ZNF692: variants seen among roughly 807,000 people sequenced by gnomAD.
ZNF692 encodes zinc finger protein 692, also known as AICAR responsive element binding protein.
In ZNF692, 41 loss-of-function variants were observed where a neutral mutation model predicts 49.0. That is an observed-to-expected ratio of 0.84 (90% confidence interval 0.65 to 1.08). ZNF692 has a LOEUF of 1.08. ZNF692 is among the 50% of genes least tolerant of loss of function. ZNF692 has a pLI of 0.00. For missense variants in ZNF692, 662 were observed against 662.2 expected (o/e 1.00, Z 0.00); for synonymous variants, 288 against 251.5 (o/e 1.15, Z -1.37).
intron 10 of ZNF692, 178 bp from the exon 11 acceptor site, chr1:248,850,959 T>C (rs746065852): frequency 1.7e-5 from 12 of 711,868 alleles, no homozygotes; most frequent in Non-Finnish European, 3.1e-5. Flanking sequence ...TGATGGGTCA[T>C]GACAACCAAG....
intron 10 of ZNF692, among the ~76,000 whole-genome samples, chr1:248,852,932 A>G (rs1421953358): frequency 6.6e-6 from 1 of 151,840 alleles, no homozygotes; most frequent in Non-Finnish European, 1.5e-5. Context: ...TTATATTTAT[A>G]TTTTTGCCTG....
Position 248,850,461 on chromosome 1 carries a change from G to C in ZNF692, c.1309C>G (p.Arg437Gly), listed in dbSNP as rs756911914. 1 of 1,613,428 alleles carries C rather than the reference G, an allele frequency of 6.2e-7. No homozygotes were observed. Among genetic ancestry groups the C allele is most frequent in the Admixed American group, 1.7e-5 (1 of 59,988 alleles). The change falls in exon 12 of 12, where the codon CGC becomes GGC. Residue 437 changes from arginine to glycine, a missense_variant. Physicochemically the swap from Arg to Gly is moderately radical, Grantham distance 125. Transcript: ENST00000306601. ...GCAGCCACCGTCTCTGCATGCTTGC[G>C]CTGGTGCCAGTTCAGGGAAGCCTTC... ...RQKASLNWHQ[R>G]KHAETVAALR...
At chr1:248,854,306 T>C in intron 9 of ZNF692, 1 of 432,448 alleles carries the variant, frequency 2.3e-6, no homozygotes, top group South Asian at 2.6e-5. Flanking sequence ...TTCCATTATC[T>C]CACCTCCTTG....
Position 248,856,349 on chromosome 1 carries a change from C to T in ZNF692, c.598G>A (p.Glu200Lys). The change falls in exon 6 of 12, where the codon GAG (glutamate) becomes AAG (lysine). Residue 200 changes from glutamate (E) to lysine (K), a missense_variant. Coordinates refer to ENST00000306601, the MANE Select transcript of ZNF692 (RefSeq NM_017865.4). ...EEGEEEEDND[E>K]DEEEMLSDAS... Reference sequence around the variant, plus strand: ...TCACTGAGCATCTCCTCTTCATCCTCATCATTGTCCTCTTCTTCCTCACCC... The same window carrying T: ...TCACTGAGCATCTCCTCTTCATCCTTATCATTGTCCTCTTCTTCCTCACCC... 1 of 1,611,866 alleles carries T rather than the reference C, an allele frequency of 6.2e-7. No individual in the cohort carries two copies. The highest frequency in any genetic ancestry group is 8.5e-7 in the Non-Finnish European group (1 of 1,178,738).
Position 248,850,769 on chromosome 1 carries a change from T to C in ZNF692, c.1166A>G (p.Tyr389Cys), listed in dbSNP as rs1344388811. The change falls in exon 11 of 12, where the codon TAC (tyrosine) becomes TGC (cysteine). Residue 389 changes from tyrosine (Y) to cysteine (C), a missense_variant. Physicochemically the swap from Tyr to Cys is radical, Grantham distance 194. Transcript: ENST00000306601. Reference sequence around the variant, plus strand: ...AGACCGGGCGCAGAACTCACAGATGTAGTCCCGGGTGTCTGCAGGCATATG... The same window carrying C: ...AGACCGGGCGCAGAACTCACAGATGCAGTCCCGGGTGTCTGCAGGCATATG... ...HMKLHSDTRD[Y>C]ICEFCARSFR... 6.2e-7 allele frequency: 1 copy of C among 1,614,092 alleles called. No homozygotes were observed.
At chr1:248,851,702 G>A (rs1042445154) in intron 10 of ZNF692, among the ~76,000 whole-genome samples, 7 of 151,722 alleles carry the variant, frequency 4.6e-5, no homozygotes, top group Admixed American at 4.6e-4. Context: ...TGACCTCATC[G>A]CCCACCCTCC....
In ZNF692 at chr1:248,857,141, AG is replaced by A. The variant is rs1660332898; in HGVS notation, c.475+92del. 3.8e-6 allele frequency: 5 copies of A among 1,318,112 alleles called. No homozygotes were observed. The South Asian group carries it at 7.2e-5, about 19-fold the overall frequency. The allele number at this position is 1,318,112 out of a possible 1,614,324, so 81.7% of individuals were successfully genotyped here. On this transcript the variant is annotated intron_variant, in intron 4 of 11. Transcript: ENST00000306601. ...CAAGATAGAGTTTTTCCATTGAAAA[AG>A]GATCATTTTTAGAGAACAGGGTTCT...
chr1:248,853,523 G>C (rs932236063), intron 10 of ZNF692, among the ~76,000 whole-genome samples: 2 of 152,096 alleles, frequency 1.3e-5, no homozygotes, highest in Non-Finnish European at 2.9e-5. Context: ...TTCCACACGC[G>C]CTGTCCATAG....
intron 9 of ZNF692, among the ~76,000 whole-genome samples, chr1:248,855,146 C>T (rs1291191098): frequency 1.3e-5 from 2 of 152,218 alleles, no homozygotes; most frequent in African/African-American, 4.8e-5. Flanking sequence ...AGCACTAACA[C>T]ACACTAGCTG....
intron 11 of ZNF692, 51 bp from the exon 12 acceptor site, chr1:248,850,567 C>T: frequency 6.3e-7 from 1 of 1,589,900 alleles, no homozygotes; most frequent in Non-Finnish European, 8.6e-7. Context: ...GCCATCATGA[C>T]TTCCCTAGGG....
At chr1:248,853,916 A>G (rs1477798875) in intron 10 of ZNF692, 21 bp downstream of exon 10, 2 of 1,575,326 alleles carry the variant, frequency 1.3e-6, no homozygotes, top group Admixed American at 1.7e-5. Context: ...CCACAGAGGA[A>G]GGTGGAGTTC....
chr1:248,857,866 G>C lies in ZNF692; in HGVS notation c.180-7C>G. 1 of 1,613,820 alleles carries C rather than the reference G, an allele frequency of 6.2e-7. No homozygotes were observed. The highest frequency in any genetic ancestry group is 8.5e-7 in the Non-Finnish European group (1 of 1,179,862). ...ACAGCCTGAAGAAGTGTACCTGCCA[G>C]CAGGAGAAGAGGCAGGTCAGGACTC... is the stretch of plus-strand genomic sequence containing the variant. On this transcript the variant is annotated splice_region_variant and splice_polypyrimidine_tract_variant and intron_variant, in intron 2 of 11. Transcript: ENST00000306601.
At position 248,858,250 on chromosome 1, in the gene ZNF692, C is replaced by T; in HGVS notation, c.60G>A (p.Leu20=). The T allele has an allele frequency of 3.2e-6, 5 of 1,583,324 alleles. No individual in the cohort carries two copies. The highest frequency in any genetic ancestry group is 4.3e-6 in the Non-Finnish European group (5 of 1,164,678). The change falls in exon 2 of 12, where the codon CTG becomes CTA. Residue 20 remains leucine, a synonymous_variant. Transcript: ENST00000306601. This position sits in a 1 kb window ranked among gnomAD's most constrained non-coding sequence, Gnocchi z 4.3. ...SCRRREKRRQ[L]DARRSKCRIR... ...TGCGGCACTTGCTGCGGCGCGCGTC[C>T]AGCTGCCGCCGCTTCTCCCGCCGCC...
Position 248,850,257 on chromosome 1 carries a change from T to C in ZNF692, c.1513A>G (p.Arg505Gly), listed in dbSNP as rs753809842. Residue 505 changes from arginine to glycine, a missense_variant, in exon 12 of 12, where the codon AGG becomes GGG. By Grantham distance (125) the Arg-to-Gly change is moderately radical. Transcript: ENST00000306601. ...PGPLGSSEGS[R>G]PSASPQAPTL... The stretch of plus-strand genomic sequence containing the variant: ...GGAGCCTGAGGAGATGCAGAGGGCC[T>C]GGACCCCTCGCTGGATCCCAGAGGC... The C allele has an allele frequency of 1.3e-6, 2 of 1,589,970 alleles. No individual in the cohort carries two copies. Among genetic ancestry groups the C allele is most frequent in the East Asian group, 2.2e-5 (1 of 44,592 alleles).
At position 248,855,539 on chromosome 1, in the gene ZNF692, C is replaced by G; in HGVS notation, c.959+19G>C. The G allele has an allele frequency of 6.2e-7, 1 of 1,614,160 alleles. No homozygotes were observed. Among genetic ancestry groups the G allele is most frequent in the Non-Finnish European group, 8.5e-7 (1 of 1,180,008 alleles). On this transcript the variant is annotated intron_variant, in intron 8 of 11. Transcript: ENST00000306601. ...CCTCCTCTCGGCCCTCCCCAGAACCCCATCTCCCTAAGTCCTACCTAATTC... is the reference window on the plus strand; with the variant it reads ...CCTCCTCTCGGCCCTCCCCAGAACCGCATCTCCCTAAGTCCTACCTAATTC...
rs542671758 is a variant in ZNF692 at position 248,851,804 on chromosome 1, A to G, written c.1154-1023T>C. On this transcript the variant is annotated intron_variant, in intron 10 of 11. Transcript: ENST00000306601. ...TACAGTGGGTTAGGAGGAGAAAAAA[A>G]AGAAATTGTGATTTCAAACATCCTG... Among the ~76,000 whole-genome samples, 4 of 152,326 alleles carry G rather than the reference A, an allele frequency of 2.6e-5. No individual in the cohort carries two copies. The East Asian group carries it at 7.7e-4, about 29-fold the overall frequency.
At chr1:248,855,049 G>A (rs894370729) in intron 9 of ZNF692, among the ~76,000 whole-genome samples, 3 of 152,202 alleles carry the variant, frequency 2.0e-5, no homozygotes, top group South Asian at 2.1e-4. Context: ...CTCCCAGCCC[G>A]TTTCACTCTA....
chr1:248,857,976 G>A (rs538629978), intron 2 of ZNF692, 117 bp from the exon 3 acceptor site: 2 of 1,555,348 alleles, frequency 1.3e-6, no homozygotes, highest in South Asian at 2.3e-5. Flanking sequence ...ACCATGAGGA[G>A]GGGAGCAGGA....
intron 3 of ZNF692, 51 bp from the exon 4 acceptor site, chr1:248,857,548 T>C (rs1660388189): frequency 4.5e-6 from 7 of 1,570,310 alleles, no homozygotes; most frequent in South Asian, 1.2e-5. Flanking sequence ...CTCCTCCTCT[T>C]ACCCTGGAGA....
Sources: allele counts gnomAD v4.1 joint callset (sites outside exome capture counted in the v4.1 genomes callset), GRCh38; gene constraint gnomAD v4.1.1; non-coding constraint Gnocchi (gnomAD v3.1); transcripts MANE v1.5; gene names NCBI Gene and HGNC (gene_info 2026-07-23, HGNC 2026-07-21).